Variants in RORA observed in about 807,000 individuals in gnomAD.
RORA encodes nuclear receptor ROR-alpha.
Under a neutral mutation model 69.5 loss-of-function variants are expected in RORA, and 7 were observed. The observed-to-expected ratio is 0.10, with a 90% CI of 0.06 to 0.19. The LOEUF is 0.19. Among genes scored for constraint, RORA ranks in the 10% least tolerant of loss-of-function variants. The probability of loss-of-function intolerance (pLI) is 1.00; values close to 1 mark genes in which losing one functional copy is unlikely to be tolerated. For missense variants in RORA, 457 were observed against 663.0 expected, an observed-to-expected ratio of 0.69 and a Z score of 3.41; for synonymous variants, 261 against 240.8, an observed-to-expected ratio of 1.08 and a Z score of -0.78.
intron 1 of RORA, among the ~76,000 whole-genome samples, chr15:61,119,083 G>GGC (rs1555412570): frequency 2.2e-5 from 2 of 90,626 alleles, no homozygotes; most frequent in Non-Finnish European, 4.9e-5. Context: ...TTAACAGAAG[G>GGC]GGGGGGGGGG....
chr15:60,961,859 A>C (rs1489559690), intron 1 of RORA, among the ~76,000 whole-genome samples: 3 of 152,210 alleles, frequency 2.0e-5, no homozygotes, highest in Non-Finnish European at 4.4e-5. Context: ...CTGGGGTCCC[A>C]GCCTGAAAAC....
At chr15:60,954,442 A>T (rs911816450) in intron 1 of RORA, among the ~76,000 whole-genome samples, 8 of 150,362 alleles carry the variant, frequency 5.3e-5, no homozygotes, top group Non-Finnish European at 7.4e-5. Context: ...TAAAGTATAA[A>T]AAAAAAAAAA....
intron 1 of RORA, among the ~76,000 whole-genome samples, chr15:60,835,575 G>T (rs1014491958): frequency 2.6e-5 from 4 of 152,138 alleles, no homozygotes; most frequent in African/African-American, 9.7e-5. Context: ...ACATCACAAA[G>T]CAGTTTCCAT....
chr15:61,195,195 G>T lies in RORA; in HGVS notation c.166+33858C>A, dbSNP rs114994969. Among the ~76,000 whole-genome samples, 1,131 of 152,108 alleles carry T rather than the reference G, an allele frequency of 7.4e-3. 10 individuals are homozygous for T. Among genetic ancestry groups the T allele is most frequent in the Middle Eastern group, 0.027 (8 of 294 alleles). On this transcript the variant is annotated intron_variant, in intron 1 of 10. Transcript: ENST00000335670. ...AGATTTTAGGTTGTCAGCTGTTACT[G>T]CTGTCAGGATGGATGTTACTTACAT...
chr15:61,224,243 C>A (rs143127856), intron 1 of RORA, among the ~76,000 whole-genome samples: 1 of 152,318 alleles, frequency 6.6e-6, no homozygotes, highest in Non-Finnish European at 1.5e-5. Context: ...TGAGGTCTAC[C>A]TCAAAGTCCC....
At chr15:60,953,854 C>G (rs1440957020) in intron 1 of RORA, among the ~76,000 whole-genome samples, 3 of 148,498 alleles carry the variant, frequency 2.0e-5, no homozygotes, top group African/African-American at 4.9e-5. Flanking sequence ...GGACTGTAAA[C>G]TAGTTCAACC....
At chr15:61,072,776 A>G (rs2078386569) in intron 1 of RORA, among the ~76,000 whole-genome samples, 1 of 152,246 alleles carries the variant, frequency 6.6e-6, no homozygotes, top group Non-Finnish European at 1.5e-5. Flanking sequence ...CTACCATATG[A>G]CCCTAAGAAG....
At chr15:60,945,125 G>T (rs1459073252) in intron 1 of RORA, among the ~76,000 whole-genome samples, 1 of 152,142 alleles carries the variant, frequency 6.6e-6, no homozygotes, top group Admixed American at 6.5e-5. Context: ...GCAATATGGG[G>T]CTGGACCACC....
At chr15:60,804,567 T>C (rs2072633107) in intron 1 of RORA, among the ~76,000 whole-genome samples, 1 of 152,154 alleles carries the variant, frequency 6.6e-6, no homozygotes, top group Non-Finnish European at 1.5e-5. Context: ...AGCAAGTTCG[T>C]GAATCAGGGC....
At chr15:60,940,991 A>G (rs537697210) in intron 1 of RORA, among the ~76,000 whole-genome samples, 2 of 152,362 alleles carry the variant, frequency 1.3e-5, no homozygotes, top group South Asian at 4.1e-4. Context: ...AATGTTGACC[A>G]AGGCAAATGG....
At chr15:61,013,422 G>T (rs1439106651) in intron 1 of RORA, among the ~76,000 whole-genome samples, 1 of 152,186 alleles carries the variant, frequency 6.6e-6, no homozygotes, top group African/African-American at 2.4e-5. Flanking sequence ...CCGGATGACT[G>T]CTGTGAGAAA....
chr15:60,517,077 A>G (rs1208226356), intron 3 of RORA, among the ~76,000 whole-genome samples: 3 of 148,032 alleles, frequency 2.0e-5, no homozygotes, highest in Non-Finnish European at 2.9e-5. Context: ...GGTGGGGCCA[A>G]TCAGATTTTA....
At chr15:60,764,381 A>T (rs142284917) in intron 1 of RORA, among the ~76,000 whole-genome samples, 242 of 152,260 alleles carry the variant, frequency 1.6e-3, no homozygotes, top group African/African-American at 5.6e-3. Context: ...AAATAAAGGA[A>T]TGGAATAAAA....
chr15:61,176,899 A>G (rs2079633965), intron 1 of RORA, among the ~76,000 whole-genome samples: 1 of 152,200 alleles, frequency 6.6e-6, no homozygotes, highest in Non-Finnish European at 1.5e-5. Flanking sequence ...CATGCTTTAT[A>G]TGTCCTGACT....
intron 1 of RORA, among the ~76,000 whole-genome samples, chr15:60,762,196 G>C (rs1323369802): frequency 3.3e-5 from 5 of 152,156 alleles, no homozygotes; most frequent in Admixed American, 3.3e-4. Flanking sequence ...CTTCAACAAA[G>C]AATGGAATTT....
intron 1 of RORA, among the ~76,000 whole-genome samples, chr15:60,897,556 T>C (rs1287638938): frequency 6.6e-6 from 1 of 152,244 alleles, no homozygotes; most frequent in African/African-American, 2.4e-5. Flanking sequence ...CATGTCTGAT[T>C]TACCCTTGCT....
intron 1 of RORA, among the ~76,000 whole-genome samples, chr15:60,865,006 G>C (rs1237153192): frequency 6.6e-6 from 1 of 152,224 alleles, no homozygotes; most frequent in Non-Finnish European, 1.5e-5. Context: ...TTACAAGAAA[G>C]TTGATGCTGT....
At chr15:60,607,683 C>T (rs1286416026) in intron 2 of RORA, among the ~76,000 whole-genome samples, 1 of 152,202 alleles carries the variant, frequency 6.6e-6, no homozygotes, top group Non-Finnish European at 1.5e-5. Flanking sequence ...CTATTTAAAG[C>T]TAGAATGTTT....
At chr15:60,619,633 CT>C (rs1274938504) in intron 2 of RORA, among the ~76,000 whole-genome samples, 1 of 152,218 alleles carries the variant, frequency 6.6e-6, no homozygotes, top group African/African-American at 2.4e-5. Context: ...TGAAATCTGT[CT>C]GCATACAAGC....
Sources: gnomAD v4.1 joint callset for allele counts (sites outside exome capture counted in the v4.1 genomes callset) on GRCh38, gnomAD v4.1.1 for gene constraint, MANE v1.5 for transcripts, NCBI Gene and HGNC (gene_info 2026-07-23, HGNC 2026-07-21) for gene names.